The following SLC35D1 variants were observed in gnomAD, a reference collection of about 807,000 sequenced individuals.
SLC35D1 encodes the protein nucleotide sugar transporter SLC35D1.
In SLC35D1, 31 loss-of-function variants were observed where a neutral mutation model predicts 46.7. The observed-to-expected ratio is 0.66, with a 90% CI of 0.50 to 0.90. The LOEUF (loss-of-function observed/expected upper bound fraction) is 0.90. SLC35D1 is among the 40% of genes least tolerant of loss of function. SLC35D1 has a pLI of 0.00. For synonymous variants in SLC35D1, 195 were observed against 164.6 expected, an observed-to-expected ratio of 1.18 and a Z score of -1.41; for missense variants, 397 against 426.2, an observed-to-expected ratio of 0.93 and a Z score of 0.60.
chr1:66,991,080 G>A, the SLC35D1 span, among the ~76,000 whole-genome samples: 11 of 152,084 alleles, frequency 7.2e-5, no homozygotes, highest in African/African-American at 2.4e-4. Flanking sequence ...CCTTTGTACC[G>A]CTGCCATTCT....
rs550270864 is a variant in SLC35D1 at position 67,049,866 on chromosome 1, T to C, written c.465-16A>G. On this transcript the variant is annotated splice_polypyrimidine_tract_variant and intron_variant, in intron 5 of 11. Coordinates refer to ENST00000235345, the MANE Select transcript of SLC35D1 (RefSeq NM_015139.3). ...AAAAGTCTTCCTACAAAACAAAAAA[T>C]TTTAAAATACACACATGACTTTATT... is the stretch of plus-strand genomic sequence containing the variant. 6.3e-7 allele frequency: 1 copy of C among 1,586,664 alleles called. No individual in the cohort carries two copies. Among genetic ancestry groups the C allele is most frequent in the Admixed American group, 1.7e-5 (1 of 59,660 alleles).
At chr1:67,015,582 T>C (rs1667668682) in intron 10 of SLC35D1, among the ~76,000 whole-genome samples, 1 of 152,132 alleles carries the variant, frequency 6.6e-6, no homozygotes, top group South Asian at 2.1e-4. Flanking sequence ...TAGAAACAGG[T>C]TTCACTGTGT....
chr1:66,977,266 C>T, the SLC35D1 span, among the ~76,000 whole-genome samples: 2 of 151,876 alleles, frequency 1.3e-5, no homozygotes, highest in East Asian at 1.9e-4. Context: ...CCTGCCATGA[C>T]GCCTGGCTAA....
the SLC35D1 span, chr1:66,986,556 C>G: frequency 4.8e-6 from 5 of 1,044,080 alleles, no homozygotes; most frequent in Non-Finnish European, 7.5e-6. Context: ...GCATTCAGGC[C>G]TTACCCCCAT....
chr1:67,011,352 A>G (rs995039085), intron 10 of SLC35D1, among the ~76,000 whole-genome samples: 1 of 152,168 alleles, frequency 6.6e-6, no homozygotes, highest in African/African-American at 2.4e-5. Context: ...GCTGCAGCAA[A>G]GATAATCCAG....
chr1:67,048,082 C>T (rs1645270066), intron 6 of SLC35D1, among the ~76,000 whole-genome samples: 1 of 152,194 alleles, frequency 6.6e-6, no homozygotes, highest in Non-Finnish European at 1.5e-5. Context: ...GCTGCACAGA[C>T]TCTGATTTTG....
chr1:67,013,155 G>T (rs202191011), intron 10 of SLC35D1, among the ~76,000 whole-genome samples: 3 of 4,474 alleles, frequency 6.7e-4, no homozygotes, highest in African/African-American at 2.8e-3. Context: ...ATATATCCTG[G>T]AGATATATAT....
At chr1:66,986,565 A>G in the SLC35D1 span, 3 of 973,058 alleles carry the variant, frequency 3.1e-6, no homozygotes, top group East Asian at 2.4e-5. Context: ...CCTTACCCCC[A>G]TGAAGTATTA....
intron 8 of SLC35D1, among the ~76,000 whole-genome samples, chr1:67,025,790 C>T (rs1203219316): frequency 6.6e-6 from 1 of 152,058 alleles, no homozygotes; most frequent in Admixed American, 6.5e-5. Flanking sequence ...AATTTATCCC[C>T]CAAGTACTTT....
intron 11 of SLC35D1, 34 bp from the exon 12 acceptor site, chr1:67,004,482 G>A (rs750817943): frequency 1.9e-6 from 3 of 1,585,942 alleles, no homozygotes; most frequent in East Asian, 2.2e-5. Context: ...AGAGATGGAG[G>A]AAGGGAGGGT....
chr1:66,974,959 A>G, the SLC35D1 span, among the ~76,000 whole-genome samples: 38 of 152,318 alleles, frequency 2.5e-4, no homozygotes, highest in African/African-American at 9.1e-4. Context: ...GTTCGAATCT[A>G]TCTAGAAATA....
At chr1:66,983,466 C>T in the SLC35D1 span, among the ~76,000 whole-genome samples, 63 of 151,038 alleles carry the variant, frequency 4.2e-4, no homozygotes, top group East Asian at 0.012. Context: ...TTCAGTGATG[C>T]ACCCTATATT....
downstream of SLC35D1, among the ~76,000 whole-genome samples, chr1:66,996,493 G>A (rs1023380342): frequency 3.3e-5 from 5 of 152,200 alleles, no homozygotes; most frequent in Admixed American, 6.5e-5. Flanking sequence ...GTTTGAATGC[G>A]GGTTCCCTGA....
the SLC35D1 span, among the ~76,000 whole-genome samples, chr1:66,993,493 G>A: frequency 1.3e-5 from 2 of 152,194 alleles, no homozygotes; most frequent in Admixed American, 6.5e-5. Context: ...TAGGTGGCAA[G>A]ATGGGGACTC....
At chr1:67,022,052 CTTAG>C (rs1187718760) in intron 8 of SLC35D1, among the ~76,000 whole-genome samples, 2 of 152,064 alleles carry the variant, frequency 1.3e-5, no homozygotes, top group African/African-American at 4.8e-5. Flanking sequence ...TAAATACAGC[CTTAG>C]TTATACAAAT....
At chr1:67,004,554 G>T (rs111294205) in intron 11 of SLC35D1, 106 bp from the exon 12 acceptor site, 15 of 858,486 alleles carry the variant, frequency 1.7e-5, no homozygotes, top group African/African-American at 1.3e-4. Flanking sequence ...GAAGAGTAAA[G>T]TTTCACAGTG....
intron 1 of SLC35D1, among the ~76,000 whole-genome samples, 166 bp downstream of exon 1, chr1:67,053,645 C>G (rs575684896): frequency 4.6e-5 from 7 of 151,994 alleles, no homozygotes; most frequent in African/African-American, 1.7e-4. Flanking sequence ...CTCGCCAGGC[C>G]GGCTCCGCTG....
the SLC35D1 span, chr1:66,987,213 C>T: frequency 6.6e-6 from 1 of 152,666 alleles, no homozygotes; most frequent in Non-Finnish European, 1.5e-5. Context: ...GTATTTCACA[C>T]AATAATTTGT....
Position 67,002,150 on chromosome 1 carries a change from G to C in SLC35D1, c.*2190C>G, listed in dbSNP as rs765425789. 1 of 152,320 alleles carries C rather than the reference G, an allele frequency of 6.6e-6. No homozygotes were observed. The highest frequency in any genetic ancestry group is 1.5e-5 in the Non-Finnish European group (1 of 68,048). 9.4% of individuals were successfully genotyped at this position (152,320 alleles called of 1,614,324 possible). ...AGAAAGAACAGAATCACTAAAAATA[G>C]CTCTCACTATGCCCTTTCACTGTAC... On this transcript the variant is annotated 3_prime_UTR_variant, in exon 12 of 12. Transcript: ENST00000235345.
Sources: allele counts gnomAD v4.1 joint callset (sites outside exome capture counted in the v4.1 genomes callset), GRCh38; gene constraint gnomAD v4.1.1; transcripts MANE v1.5; gene names NCBI Gene and HGNC (gene_info 2026-07-23, HGNC 2026-07-21).